Variants in ADGRB3 observed in about 807,000 individuals in gnomAD.
The protein encoded by ADGRB3 is brain-specific angiogenesis inhibitor 3.
ADGRB3 carries 37 observed loss-of-function variants against 193.4 expected under a neutral mutation model. The ratio of observed to expected loss-of-function variants is 0.19; its 90% confidence interval spans 0.15 to 0.25. ADGRB3 has a LOEUF of 0.25. Among genes scored for constraint, ADGRB3 ranks in the 10% least tolerant of loss-of-function variants. The pLI, the probability that ADGRB3 is intolerant of heterozygous loss-of-function variation, is 1.00. For missense variants in ADGRB3, 1,637 were observed against 1,852.9 expected, an observed-to-expected ratio of 0.88 and a Z score of 2.14; for synonymous variants, 690 against 644.2, an observed-to-expected ratio of 1.07 and a Z score of -1.08.
intron 6 of ADGRB3, among the ~76,000 whole-genome samples, chr6:68,945,296 G>T (rs1476713967): frequency 1.3e-5 from 2 of 151,994 alleles, no homozygotes; most frequent in African/African-American, 4.8e-5. Context: ...AATTATGAGT[G>T]TAACTTATGA....
At chr6:68,724,695 C>A (rs1765643010) in intron 3 of ADGRB3, among the ~76,000 whole-genome samples, 2 of 149,022 alleles carry the variant, frequency 1.3e-5, no homozygotes, top group Admixed American at 1.3e-4. Flanking sequence ...ACTCACTTTT[C>A]CTGAAGATTC....
At chr6:69,366,508 A>G (rs1032765314) in intron 29 of ADGRB3, among the ~76,000 whole-genome samples, 1 of 152,146 alleles carries the variant, frequency 6.6e-6, no homozygotes, top group Admixed American at 6.6e-5. Flanking sequence ...TCATCATTCT[A>G]CAAGACTTAG....
At position 68,949,625 on chromosome 6, in the gene ADGRB3, A is replaced by G. The variant is rs1017507298; in HGVS notation, c.1195+5631A>G. Among the ~76,000 whole-genome samples the G allele has an allele frequency of 7.9e-5, 12 of 152,150 alleles. 1 individual carries two copies. The highest frequency in any genetic ancestry group is 6.6e-4 in the Admixed American group (10 of 15,258). ...CTGGAACTTGGTTCAAAGGTCCCTG[A>G]TTGTGTTTGCATGAGGTTGTTATAA... On this transcript the variant is annotated intron_variant, in intron 6 of 31. Coordinates refer to ENST00000370598, the MANE Select transcript of ADGRB3 (RefSeq NM_001704.3).
intron 27 of ADGRB3, 82 bp from the exon 28 acceptor site, chr6:69,355,739 A>T: frequency 8.9e-7 from 1 of 1,120,646 alleles, no homozygotes; most frequent in Non-Finnish European, 1.3e-6. Context: ...GATATCTGTA[A>T]ACTTCAGATA....
chr6:68,683,814 T>C (rs958783840), intron 3 of ADGRB3, among the ~76,000 whole-genome samples: 9 of 152,154 alleles, frequency 5.9e-5, no homozygotes, highest in African/African-American at 1.7e-4. Context: ...CCTCTGTCTT[T>C]GCAAATGCCC....
intron 20 of ADGRB3, among the ~76,000 whole-genome samples, chr6:69,247,677 CT>C (rs1306786881): frequency 6.6e-6 from 1 of 152,182 alleles, no homozygotes; most frequent in African/African-American, 2.4e-5. Flanking sequence ...ACCCTGCTCA[CT>C]GTATTGTGAT....
At chr6:69,006,074 A>G (rs759711140) in intron 11 of ADGRB3, among the ~76,000 whole-genome samples, 4 of 152,142 alleles carry the variant, frequency 2.6e-5, no homozygotes, top group African/African-American at 4.8e-5. Context: ...TTACCAAAAA[A>G]GTACCTAGAG....
intron 3 of ADGRB3, among the ~76,000 whole-genome samples, chr6:68,724,315 G>T: frequency 6.6e-6 from 1 of 151,606 alleles, no homozygotes; most frequent in Non-Finnish European, 1.5e-5. Flanking sequence ...GTAACATGGA[G>T]AATATGAAAC....
intron 6 of ADGRB3, among the ~76,000 whole-genome samples, chr6:68,948,878 A>G (rs1419358018): frequency 2.0e-5 from 3 of 152,110 alleles, no homozygotes; most frequent in Non-Finnish European, 4.4e-5. Flanking sequence ...TCAGTGGGAA[A>G]AAAAGTGGTG....
chr6:69,302,865 A>T (rs1365624963), intron 20 of ADGRB3, among the ~76,000 whole-genome samples: 2 of 151,958 alleles, frequency 1.3e-5, no homozygotes, highest in Non-Finnish European at 2.9e-5. Context: ...AGGATTTATG[A>T]CAGAGCGAAT....
At chr6:69,242,382 C>T (rs1766403326) in intron 20 of ADGRB3, among the ~76,000 whole-genome samples, 1 of 151,668 alleles carries the variant, frequency 6.6e-6, no homozygotes, top group Admixed American at 6.6e-5. Context: ...TTAGTATTCC[C>T]ATCTTAGAAA....
chr6:68,754,893 G>T (rs1170326974), intron 3 of ADGRB3, among the ~76,000 whole-genome samples: 1 of 152,150 alleles, frequency 6.6e-6, no homozygotes, highest in Admixed American at 6.5e-5. Flanking sequence ...TCTTGAGCAA[G>T]GACACTCAGC....
At chr6:69,057,831 T>C (rs1338027752) in intron 15 of ADGRB3, among the ~76,000 whole-genome samples, 1 of 152,048 alleles carries the variant, frequency 6.6e-6, no homozygotes, top group Non-Finnish European at 1.5e-5. Context: ...GAATTTGGTT[T>C]GCTAGCATTT....
At chr6:68,740,266 C>A (rs1765953918) in intron 3 of ADGRB3, among the ~76,000 whole-genome samples, 3 of 152,056 alleles carry the variant, frequency 2.0e-5, no homozygotes, top group African/African-American at 4.8e-5. Context: ...CACTTATATC[C>A]AAAGTGATAA....
chr6:69,363,875 A>C (rs1769507169), intron 29 of ADGRB3, among the ~76,000 whole-genome samples: 1 of 152,044 alleles, frequency 6.6e-6, no homozygotes, highest in South Asian at 2.1e-4. Flanking sequence ...GGTGAGGGAG[A>C]TGCTATTCTG....
chr6:68,781,536 A>G (rs921499288), intron 3 of ADGRB3, among the ~76,000 whole-genome samples: 4 of 152,130 alleles, frequency 2.6e-5, no homozygotes, highest in Non-Finnish European at 5.9e-5. Context: ...TGGGCTCCTA[A>G]GAGTAAAGGT....
chr6:68,842,147 A>C (rs962086602), intron 3 of ADGRB3, among the ~76,000 whole-genome samples: 1 of 151,966 alleles, frequency 6.6e-6, no homozygotes, highest in Non-Finnish European at 1.5e-5. Context: ...ATATACATCT[A>C]CTAAGTACCC....
chr6:69,033,878 T>A (rs900432239), intron 13 of ADGRB3, among the ~76,000 whole-genome samples: 2 of 152,086 alleles, frequency 1.3e-5, no homozygotes, highest in Non-Finnish European at 2.9e-5. Context: ...GGGTTTATAA[T>A]TGTCTATACT....
chr6:69,026,542 C>T (rs915563184), intron 13 of ADGRB3, among the ~76,000 whole-genome samples: 1 of 152,132 alleles, frequency 6.6e-6, no homozygotes, highest in African/African-American at 2.4e-5. Flanking sequence ...AGGTATTTGT[C>T]TGAGGTCTGA....
Sources: gnomAD v4.1 joint callset for allele counts (sites outside exome capture counted in the v4.1 genomes callset) on GRCh38, gnomAD v4.1.1 for gene constraint, MANE v1.5 for transcripts, NCBI Gene and HGNC (gene_info 2026-07-23, HGNC 2026-07-21) for gene names.